Variants in NIPA2 observed in about 807,000 individuals in gnomAD.
The protein encoded by NIPA2 is NIPA magnesium transporter 2.
NIPA2 carries 11 observed loss-of-function variants against 29.7 expected under a neutral mutation model. The ratio of observed to expected loss-of-function variants is 0.37; its 90% CI spans 0.23 to 0.61. NIPA2 has a LOEUF of 0.61. Among genes scored for constraint, NIPA2 ranks in the 20% least tolerant of loss-of-function variants. The pLI, the probability that NIPA2 is intolerant of heterozygous loss-of-function variation, is 0.66. For synonymous variants in NIPA2, 183 were observed against 161.9 expected, an observed-to-expected ratio of 1.13 and a Z score of -0.99; for missense variants, 426 against 437.9, an observed-to-expected ratio of 0.97 and a Z score of 0.24.
intron 2 of NIPA2, among the ~76,000 whole-genome samples, chr15:22,844,640 G>C (rs758606432): frequency 2.0e-5 from 3 of 152,014 alleles, no homozygotes; most frequent in Admixed American, 6.6e-5. Context: ...CTGTGGTCCT[G>C]TTGATTTGAG....
chr15:22,850,690 A>G (rs2057667798), intron 3 of NIPA2, among the ~76,000 whole-genome samples: 1 of 152,182 alleles, frequency 6.6e-6, no homozygotes, highest in African/African-American at 2.4e-5. Context: ...TGGATAAAGT[A>G]ATTGAGGGGC....
At chr15:22,841,225 C>T (rs979653994) in intron 2 of NIPA2, among the ~76,000 whole-genome samples, 3 of 152,106 alleles carry the variant, frequency 2.0e-5, no homozygotes, top group Non-Finnish European at 4.4e-5. Context: ...GTGTTAGTAT[C>T]TGTATGTTTC....
chr15:22,866,351 T>TGAAG lies in NIPA2; in HGVS notation c.589_592dup (p.Gly198GlufsTer38). The TGAAG allele has an allele frequency of 6.2e-7, 1 of 1,614,114 alleles. No individual in the cohort carries two copies. Among genetic ancestry groups the TGAAG allele is most frequent in the Non-Finnish European group, 8.5e-7 (1 of 1,180,002 alleles). On this transcript the variant is annotated frameshift_variant, in exon 8 of 8. Coordinates refer to ENST00000337451, the MANE Select transcript of NIPA2 (RefSeq NM_030922.7). LOFTEE classifies it high-confidence loss of function. Reference sequence around the variant, plus strand: ...ATCGGCGCGTTTTCAGTCTCCTGTGTGAAGGGCCTGGGCATTGCTATCAAG... The same window carrying TGAAG: ...ATCGGCGCGTTTTCAGTCTCCTGTGTGAAGGAAGGGCCTGGGCATTGCTATCAAG...
rs180794934 is a variant in NIPA2, at chr15:22,867,422, G to A, written c.*575G>A. On this transcript the variant is annotated 3_prime_UTR_variant, in exon 8 of 8. Transcript: ENST00000337451. ...AAGGGCAGAAATCACCCCAAGGAAC[G>A]ATTTCTCAGGTTGAGATGATCACCG... is the stretch of plus-strand genomic sequence containing the variant. 5 of 370,928 alleles carry A rather than the reference G, an allele frequency of 1.3e-5. No homozygotes were observed. In the Admixed American group the frequency reaches 1.4e-4, roughly 10 times the overall value. The allele number at this position is 370,928 out of a possible 1,614,324, so 23.0% of individuals were successfully genotyped here. A position where few individuals can be genotyped will look rare whatever the true frequency, so the allele number is the denominator to read the frequency against.
chr15:22,862,985 T>C (rs1403281932), intron 7 of NIPA2, among the ~76,000 whole-genome samples: 1 of 146,374 alleles, frequency 6.8e-6, no homozygotes, highest in African/African-American at 2.5e-5. Context: ...CACTGCATCC[T>C]CTGCCTCTCG....
At chr15:22,843,735 C>T (rs1897806738) in intron 2 of NIPA2, among the ~76,000 whole-genome samples, 1 of 151,842 alleles carries the variant, frequency 6.6e-6, no homozygotes, top group Non-Finnish European at 1.5e-5. Flanking sequence ...ACTGCAACCT[C>T]CACCTCCCAG....
chr15:22,863,837 T>C (rs2058784205), intron 7 of NIPA2, among the ~76,000 whole-genome samples: 1 of 152,176 alleles, frequency 6.6e-6, no homozygotes. Context: ...CTCTTTTCTC[T>C]GGATTTTGGC....
chr15:22,853,988 C>G (rs1004499798), intron 5 of NIPA2, among the ~76,000 whole-genome samples: 1 of 151,368 alleles, frequency 6.6e-6, no homozygotes. Context: ...CCACTATGCC[C>G]AGCTAATTTT....
At chr15:22,864,548 C>CT (rs1355353988) in intron 7 of NIPA2, among the ~76,000 whole-genome samples, 1 of 152,174 alleles carries the variant, frequency 6.6e-6, no homozygotes, top group South Asian at 2.1e-4. Context: ...TGGGAATTGA[C>CT]TGGGGGGAAG....
intron 2 of NIPA2, among the ~76,000 whole-genome samples, chr15:22,841,601 C>T (rs1897104002): frequency 6.6e-6 from 1 of 152,022 alleles, no homozygotes; most frequent in Admixed American, 6.6e-5. Flanking sequence ...CTCCGCCCTC[C>T]AGTTTCTAGC....
chr15:22,865,822 T>G (rs1172054535), intron 7 of NIPA2, among the ~76,000 whole-genome samples: 2 of 150,222 alleles, frequency 1.3e-5, no homozygotes, highest in East Asian at 1.9e-4. Context: ...TGAAGAACTC[T>G]TGTTTTTGTG....
rs373095735 is a variant in NIPA2 at position 22,853,166 on chromosome 15, G to A, written c.140-46G>A. On this transcript the variant is annotated intron_variant, in intron 4 of 7. Transcript: ENST00000337451. ...TTACTAATAGTTATAATTTATACAAGAGTCTTACAGTCTTCCAAAGATGTG... is the reference window on the plus strand; with the variant it reads ...TTACTAATAGTTATAATTTATACAAAAGTCTTACAGTCTTCCAAAGATGTG... 3 of 1,228,476 alleles carry A rather than the reference G, an allele frequency of 2.4e-6. No individual in the cohort carries two copies. In the African/African-American group the frequency reaches 4.5e-5, roughly 18 times the overall value. 76.1% of individuals were successfully genotyped at this position (1,228,476 alleles called of 1,614,324 possible).
chr15:22,862,049 C>CTTTTTTTTTTTTTTTTTTTTTTTT (rs57513456), intron 7 of NIPA2, among the ~76,000 whole-genome samples: 1 of 103,976 alleles, frequency 9.6e-6, no homozygotes, highest in African/African-American at 3.8e-5. Flanking sequence ...ATGGGTCTCT[C>CTTTTTTTTTTTTTTTTTTTTTTTT]TTTTTTTTTT....
intron 3 of NIPA2, among the ~76,000 whole-genome samples, chr15:22,846,386 G>GT (rs71411212): frequency 0.15 from 22,329 of 152,126 alleles, 1,952 homozygotes; most frequent in Admixed American, 0.26. Flanking sequence ...AAGGCAACAT[G>GT]TAATACTGGC....
At chr15:22,847,028 C>T (rs1271539053) in intron 3 of NIPA2, among the ~76,000 whole-genome samples, 6 of 151,280 alleles carry the variant, frequency 4.0e-5, no homozygotes, top group Non-Finnish European at 7.4e-5. Flanking sequence ...CTCAGCCTCC[C>T]GAGTAGCTAA....
At chr15:22,843,498 T>TC (rs1897703330) in intron 2 of NIPA2, among the ~76,000 whole-genome samples, 1 of 138,834 alleles carries the variant, frequency 7.2e-6, no homozygotes, top group Admixed American at 7.6e-5. Context: ...AGAGCGAGAC[T>TC]CCATCTAAAA....
At chr15:22,856,243 A>G (rs1169740016) in intron 5 of NIPA2, among the ~76,000 whole-genome samples, 1 of 152,188 alleles carries the variant, frequency 6.6e-6, no homozygotes, top group Non-Finnish European at 1.5e-5. Context: ...AAGAGTTCTA[A>G]GGTTCTGGCA....
intron 7 of NIPA2, 40 bp downstream of exon 7, chr15:22,860,829 TTTAACTTA>T: frequency 1.4e-6 from 2 of 1,475,880 alleles, no homozygotes; most frequent in Non-Finnish European, 1.8e-6. Context: ...TATTTTACTT[TTTAACTTA>T]GTTTTTACTT....
intron 7 of NIPA2, among the ~76,000 whole-genome samples, chr15:22,861,059 A>G (rs1304036112): frequency 2.6e-5 from 4 of 152,130 alleles, no homozygotes; most frequent in African/African-American, 9.7e-5. Flanking sequence ...TACTGTACCT[A>G]TATAGTTTTC....
Sources: allele counts gnomAD v4.1 joint callset (sites outside exome capture counted in the v4.1 genomes callset), GRCh38; gene constraint gnomAD v4.1.1; transcripts MANE v1.5; gene names NCBI Gene and HGNC (gene_info 2026-07-23, HGNC 2026-07-21).